EYA4: variants seen among roughly 807,000 people sequenced by gnomAD.
EYA4 encodes protein phosphatase EYA4.
EYA4 carries 31 observed loss-of-function variants against 87.9 expected under a neutral mutation model. The ratio of observed to expected loss-of-function variants is 0.35; its 90% CI spans 0.27 to 0.48. EYA4 has a LOEUF of 0.48. Among genes scored for constraint, EYA4 ranks in the 20% least tolerant of loss-of-function variants. The pLI, the probability that EYA4 is intolerant of heterozygous loss-of-function variation, is 0.99. For synonymous variants in EYA4, 263 were observed against 270.6 expected (o/e 0.97, Z 0.28); for missense variants, 678 against 761.4 (o/e 0.89, Z 1.29).
At chr6:133,456,972 C>T (rs1267363753) in intron 6 of EYA4, among the ~76,000 whole-genome samples, 3 of 152,066 alleles carry the variant, frequency 2.0e-5, no homozygotes, top group Non-Finnish European at 4.4e-5. Context: ...GCTGACCTTG[C>T]TTCTTCAACT....
intron 2 of EYA4, among the ~76,000 whole-genome samples, chr6:133,321,773 G>A (rs548500857): frequency 1.3e-5 from 2 of 152,246 alleles, no homozygotes; most frequent in South Asian, 4.1e-4. Flanking sequence ...CACATTAGAT[G>A]AAATTGAGTA....
chr6:133,380,907 T>G, intron 2 of EYA4, among the ~76,000 whole-genome samples: 1 of 132,516 alleles, frequency 7.5e-6, no homozygotes. Context: ...TCCCCTCCCG[T>G]TACTTCCTTC....
intron 3 of EYA4, among the ~76,000 whole-genome samples, chr6:133,391,322 C>T (rs907869276): frequency 2.0e-5 from 3 of 151,134 alleles, no homozygotes; most frequent in Non-Finnish European, 4.4e-5. Flanking sequence ...CTCCACCTCC[C>T]AGGTTCAAGC....
chr6:133,269,577 C>T (rs534628125), intron 1 of EYA4, among the ~76,000 whole-genome samples: 11 of 152,002 alleles, frequency 7.2e-5, no homozygotes, highest in Non-Finnish European at 5.9e-5. Flanking sequence ...ATTTTTAAAA[C>T]GTCTTGTGAT....
At chr6:133,526,388 C>CA (rs1173142289) in intron 19 of EYA4, among the ~76,000 whole-genome samples, 1 of 151,892 alleles carries the variant, frequency 6.6e-6, no homozygotes, top group Non-Finnish European at 1.5e-5. Context: ...TACCTGTTTT[C>CA]AAAAAACAGT....
chr6:133,355,225 G>A (rs188465586), intron 2 of EYA4, among the ~76,000 whole-genome samples: 6 of 152,062 alleles, frequency 3.9e-5, no homozygotes, highest in Admixed American at 2.6e-4. Context: ...TATTTTTCCT[G>A]ATCCTCTCCC....
intron 2 of EYA4, among the ~76,000 whole-genome samples, chr6:133,305,798 C>T (rs902936893): frequency 1.3e-5 from 2 of 152,160 alleles, no homozygotes; most frequent in Non-Finnish European, 2.9e-5. Context: ...GAATTGGTAA[C>T]TGGAAACCAG....
intron 13 of EYA4, 114 bp downstream of exon 13, chr6:133,483,229 A>G: frequency 2.7e-6 from 2 of 743,136 alleles, no homozygotes; most frequent in Non-Finnish European, 4.6e-6. Context: ...AGTCTGTGAA[A>G]TCTTCTCTTA....
chr6:133,266,952 T>G (rs937936050), intron 1 of EYA4, among the ~76,000 whole-genome samples: 11 of 152,170 alleles, frequency 7.2e-5, no homozygotes, highest in African/African-American at 2.4e-4. Flanking sequence ...TACCTAAAAT[T>G]TGCTAGGCCT....
chr6:133,329,785 T>C (rs1011868072), intron 2 of EYA4, among the ~76,000 whole-genome samples: 1 of 152,140 alleles, frequency 6.6e-6, no homozygotes, highest in African/African-American at 2.4e-5. Flanking sequence ...GTACAATATA[T>C]ACTCACATAT....
intron 1 of EYA4, among the ~76,000 whole-genome samples, chr6:133,266,384 C>T (rs896617110): frequency 1.3e-5 from 2 of 152,074 alleles, no homozygotes; most frequent in African/African-American, 4.8e-5. Context: ...AAGGATGCTT[C>T]CCTAGGATCT....
intron 11 of EYA4, among the ~76,000 whole-genome samples, chr6:133,478,057 A>G (rs967002220): frequency 2.6e-5 from 4 of 152,120 alleles, no homozygotes; most frequent in Non-Finnish European, 5.9e-5. Context: ...GATACCATCA[A>G]TCACACACCC....
chr6:133,316,556 C>T (rs1780636995), intron 2 of EYA4, among the ~76,000 whole-genome samples: 1 of 152,178 alleles, frequency 6.6e-6, no homozygotes, highest in Non-Finnish European at 1.5e-5. Context: ...AAATTGACTT[C>T]AACCTACCAA....
At chr6:133,406,494 A>G (rs574009597) in intron 3 of EYA4, among the ~76,000 whole-genome samples, 1 of 152,370 alleles carries the variant, frequency 6.6e-6, no homozygotes, top group African/African-American at 2.4e-5. Flanking sequence ...AGGTAAGGTC[A>G]AAAGGAAAGC....
chr6:133,281,157 C>T (rs1409409603), intron 2 of EYA4, among the ~76,000 whole-genome samples: 1 of 151,912 alleles, frequency 6.6e-6, no homozygotes, highest in African/African-American at 2.4e-5. Flanking sequence ...AAGGTTACTT[C>T]TTTTTTTACA....
At chr6:133,393,516 C>A (rs1583159737) in intron 3 of EYA4, among the ~76,000 whole-genome samples, 1 of 151,888 alleles carries the variant, frequency 6.6e-6, no homozygotes, top group African/African-American at 2.4e-5. Flanking sequence ...AATGAGTGAG[C>A]CAAGCAGAGA....
At chr6:133,275,890 A>C (rs1777124758) in intron 2 of EYA4, among the ~76,000 whole-genome samples, 1 of 152,236 alleles carries the variant, frequency 6.6e-6, no homozygotes, top group Non-Finnish European at 1.5e-5. Context: ...TATAAAGTGA[A>C]AAAACTATGA....
At chr6:133,368,474 A>C (rs946585328) in intron 2 of EYA4, among the ~76,000 whole-genome samples, 2 of 152,230 alleles carry the variant, frequency 1.3e-5, no homozygotes, top group African/African-American at 4.8e-5. Context: ...AATGACTTAC[A>C]GTCCCTTAAG....
At chr6:133,428,503 A>G (rs1790873976) in intron 3 of EYA4, among the ~76,000 whole-genome samples, 1 of 152,174 alleles carries the variant, frequency 6.6e-6, no homozygotes, top group Non-Finnish European at 1.5e-5. Context: ...CTTTTAAACA[A>G]TACTGTAATT....
Sources: gnomAD v4.1 joint callset for allele counts (sites outside exome capture counted in the v4.1 genomes callset) on GRCh38, gnomAD v4.1.1 for gene constraint, MANE v1.5 for transcripts, NCBI Gene and HGNC (gene_info 2026-07-23, HGNC 2026-07-21) for gene names.